Variants in ABLIM1 observed in about 807,000 individuals in gnomAD.
ABLIM1 encodes actin binding LIM protein 1.
ABLIM1 carries 40 observed loss-of-function variants against 107.0 expected under a neutral mutation model. The ratio of observed to expected loss-of-function variants is 0.37; its 90% CI spans 0.29 to 0.49. The LOEUF (loss-of-function observed/expected upper bound fraction) is 0.49, where lower values mean the gene tolerates loss of function less well. Among genes scored for constraint, ABLIM1 ranks in the 20% least tolerant of loss-of-function variants. ABLIM1 has a pLI of 0.97. For missense variants in ABLIM1, 857 were observed against 1,008.5 expected (o/e 0.85, Z 2.04); for synonymous variants, 357 against 357.3 (o/e 1.00, Z 0.01).
At chr10:114,568,492 AAAC>A (rs1375444109) in intron 4 of ABLIM1, among the ~76,000 whole-genome samples, 1 of 152,250 alleles carries the variant, frequency 6.6e-6, no homozygotes, top group Non-Finnish European at 1.5e-5. Context: ...CACGAATAGC[AAAC>A]AAGTGTTTTC....
the ABLIM1 span, among the ~76,000 whole-genome samples, chr10:114,784,122 C>T: frequency 2.7e-5 from 4 of 150,468 alleles, no homozygotes; most frequent in East Asian, 2.0e-4. Context: ...CTGAGGGGGG[C>T]GGATCACAAG....
At chr10:114,735,748 G>A (rs866123335) in intron 1 of ABLIM1, among the ~76,000 whole-genome samples, 7 of 152,182 alleles carry the variant, frequency 4.6e-5, no homozygotes, top group Non-Finnish European at 7.3e-5. Flanking sequence ...GATTACAGGC[G>A]TGAGCCACCA....
rs753929430 is a variant in ABLIM1 at position 114,601,659 on chromosome 10, C to T, written c.379+168G>A. ...CACTGGTTTTAGCAGGACTCGTTCT[C>T]GCCCTAGAGTCTAACTGAATCCCAA... On this transcript the variant is annotated intron_variant, in intron 2 of 22. Transcript: ENST00000533213. 68 of 1,112,970 alleles carry T rather than the reference C, an allele frequency of 6.1e-5. 1 individual carries two copies. The South Asian group carries it at 6.8e-4, about 11-fold the overall frequency. 68.9% of individuals were successfully genotyped at this position (1,112,970 alleles called of 1,614,324 possible).
At chr10:114,654,849 C>T (rs2079424772) in intron 1 of ABLIM1, among the ~76,000 whole-genome samples, 1 of 152,200 alleles carries the variant, frequency 6.6e-6, no homozygotes, top group African/African-American at 2.4e-5. Context: ...CAAGGAGCCC[C>T]AGGAGTCATG....
At chr10:114,702,144 A>C (rs2081318888) in intron 1 of ABLIM1, among the ~76,000 whole-genome samples, 2 of 152,234 alleles carry the variant, frequency 1.3e-5, no homozygotes, top group Admixed American at 1.3e-4. Flanking sequence ...GTTGATTTTC[A>C]TTACTTTAAG....
intron 4 of ABLIM1, among the ~76,000 whole-genome samples, chr10:114,560,023 G>T (rs1305436669): frequency 6.6e-6 from 1 of 152,174 alleles, no homozygotes; most frequent in African/African-American, 2.4e-5. Flanking sequence ...CCATGCCATA[G>T]CCTGCCATGC....
intron 1 of ABLIM1, among the ~76,000 whole-genome samples, chr10:114,719,274 G>A (rs749290326): frequency 5.3e-5 from 8 of 152,188 alleles, no homozygotes; most frequent in Non-Finnish European, 1.2e-4. Context: ...ACTGCCTGCT[G>A]TGGCCAAGAT....
chr10:114,617,428 A>C (rs1007031410), intron 1 of ABLIM1, among the ~76,000 whole-genome samples: 6 of 146,194 alleles, frequency 4.1e-5, no homozygotes, highest in Non-Finnish European at 9.1e-5. Context: ...CGTTTGGCTA[A>C]TTTTTTTTTT....
chr10:114,626,066 T>A (rs1014815709), intron 1 of ABLIM1, among the ~76,000 whole-genome samples: 2 of 152,238 alleles, frequency 1.3e-5, no homozygotes, highest in African/African-American at 4.8e-5. Flanking sequence ...GAACCCCGCA[T>A]GACAAGCAGG....
intron 6 of ABLIM1, among the ~76,000 whole-genome samples, chr10:114,508,797 T>C (rs1282760374): frequency 1.3e-5 from 2 of 152,196 alleles, no homozygotes; most frequent in Non-Finnish European, 2.9e-5. Flanking sequence ...TATAGGAAAA[T>C]ACTGCATTGA....
At chr10:114,627,487 C>G (rs1220018822) in intron 1 of ABLIM1, among the ~76,000 whole-genome samples, 3 of 152,052 alleles carry the variant, frequency 2.0e-5, no homozygotes, top group Non-Finnish European at 2.9e-5. Flanking sequence ...TCTTCTAAAC[C>G]CTTGAGAGCT....
intron 22 of ABLIM1, among the ~76,000 whole-genome samples, chr10:114,436,638 G>A (rs539078303): frequency 5.9e-5 from 9 of 152,296 alleles, no homozygotes; most frequent in African/African-American, 1.9e-4. Context: ...ACACAGAGAG[G>A]TGATTTATTA....
At chr10:114,686,486 C>T (rs1272866234), upstream of ABLIM1, among the ~76,000 whole-genome samples, 1 of 151,416 alleles carries the variant, frequency 6.6e-6, no homozygotes, top group Non-Finnish European at 1.5e-5. Flanking sequence ...GCATGCCATC[C>T]TGGGTGACAG....
At chr10:114,453,537 G>A in intron 12 of ABLIM1, 54 bp from the exon 13 acceptor site, 1 of 1,394,116 alleles carries the variant, frequency 7.2e-7, no homozygotes, top group Non-Finnish European at 9.6e-7. Flanking sequence ...GAGAAACAAA[G>A]AAAACAAAGC....
intron 4 of ABLIM1, among the ~76,000 whole-genome samples, chr10:114,562,905 G>A (rs2069980870): frequency 6.6e-6 from 1 of 152,154 alleles, no homozygotes; most frequent in Admixed American, 6.5e-5. Flanking sequence ...GTAGCTGACG[G>A]TCTGGTCAGA....
At chr10:114,439,147 A>G (rs369362851) in intron 21 of ABLIM1, 29 bp downstream of exon 21, 90 of 1,612,824 alleles carry the variant, frequency 5.6e-5, no homozygotes, top group Non-Finnish European at 7.4e-5. Flanking sequence ...CCATTCCCAT[A>G]TGAGAGGAAA....
intron 1 of ABLIM1, among the ~76,000 whole-genome samples, chr10:114,643,025 G>A (rs890600978): frequency 6.6e-6 from 1 of 152,142 alleles, no homozygotes; most frequent in Admixed American, 6.5e-5. Flanking sequence ...AAACAGAAAG[G>A]TGTTCAGGAA....
rs911604265 is a variant in ABLIM1, at chr10:114,619,543, A to G, written c.245-17582T>C. Among the ~76,000 whole-genome samples the G allele has an allele frequency of 2.0e-5, 3 of 152,188 alleles. No homozygotes were observed. Among genetic ancestry groups the G allele is most frequent in the Non-Finnish European group, 4.4e-5 (3 of 68,038 alleles). ...AAAAGCTCTTACACATCAAAAATGA[A>G]TGCTATCCAGCATGTAATGCTCGAC... On this transcript the variant is annotated intron_variant, in intron 1 of 22. Transcript: ENST00000533213. This position sits in a 1 kb window ranked among gnomAD's most constrained non-coding sequence, Gnocchi z 4.1.
chr10:114,582,591 C>T (rs932629054), intron 2 of ABLIM1, among the ~76,000 whole-genome samples: 2 of 152,156 alleles, frequency 1.3e-5, no homozygotes, highest in African/African-American at 4.8e-5. Context: ...AGCGGCATCA[C>T]ATTATCTGAC....
Sources: allele counts gnomAD v4.1 joint callset (sites outside exome capture counted in the v4.1 genomes callset), GRCh38; gene constraint gnomAD v4.1.1; non-coding constraint Gnocchi (gnomAD v3.1); transcripts MANE v1.5; gene names NCBI Gene and HGNC (gene_info 2026-07-23, HGNC 2026-07-21).